Variants in OTUD7A observed in about 807,000 individuals in gnomAD.
OTUD7A encodes OTU domain-containing protein 7A.
Under a neutral mutation model 65.7 loss-of-function variants are expected in OTUD7A, and 12 were observed. The ratio of observed to expected loss-of-function variants is 0.18; its 90% confidence interval spans 0.12 to 0.30. The LOEUF is 0.30. Among genes scored for constraint, OTUD7A ranks in the 10% least tolerant of loss-of-function variants. The probability of loss-of-function intolerance (pLI) is 1.00; values close to 1 mark genes in which losing one functional copy is unlikely to be tolerated. For synonymous variants in OTUD7A, 641 were observed against 586.3 expected (o/e 1.09, Z -1.35); for missense variants, 1,148 against 1,304.8 (o/e 0.88, Z 1.85).
At chr15:31,714,173 G>A (rs1893522603) in intron 1 of OTUD7A, among the ~76,000 whole-genome samples, 1 of 150,044 alleles carries the variant, frequency 6.7e-6, no homozygotes, top group Admixed American at 6.7e-5. Flanking sequence ...AAAAATACAG[G>A]AAGTATCGCC....
At chr15:31,600,790 A>G (rs919644589) in intron 3 of OTUD7A, among the ~76,000 whole-genome samples, 1 of 152,234 alleles carries the variant, frequency 6.6e-6, no homozygotes, top group African/African-American at 2.4e-5. Flanking sequence ...GGAAAGCAAA[A>G]AAAAGCAGGG....
At chr15:31,632,579 C>T (rs970396399) in intron 3 of OTUD7A, among the ~76,000 whole-genome samples, 1 of 151,580 alleles carries the variant, frequency 6.6e-6, no homozygotes, top group Non-Finnish European at 1.5e-5. Context: ...CAAGGACCCA[C>T]TTGAGGAGGC....
At chr15:31,576,585 A>G (rs1889210241) in intron 3 of OTUD7A, among the ~76,000 whole-genome samples, 1 of 152,290 alleles carries the variant, frequency 6.6e-6, no homozygotes, top group South Asian at 2.1e-4. Context: ...ATGTCTCCCT[A>G]AAGTGTATAA....
At chr15:31,602,921 C>T (rs1023384174) in intron 3 of OTUD7A, among the ~76,000 whole-genome samples, 1 of 152,042 alleles carries the variant, frequency 6.6e-6, no homozygotes, top group African/African-American at 2.4e-5. Flanking sequence ...AAGTACAAAC[C>T]ACTGCTCAAG....
intron 8 of OTUD7A, among the ~76,000 whole-genome samples, chr15:31,517,568 C>T (rs1200030525): frequency 6.6e-6 from 1 of 152,212 alleles, no homozygotes; most frequent in African/African-American, 2.4e-5. Flanking sequence ...ATGACTTCAT[C>T]CTCCAAGATG....
At chr15:31,759,802 C>T (rs1257139819) in intron 1 of OTUD7A, among the ~76,000 whole-genome samples, 1 of 152,132 alleles carries the variant, frequency 6.6e-6, no homozygotes, top group Non-Finnish European at 1.5e-5. Context: ...TGCTGGATTA[C>T]AGGCATGAGC....
chr15:31,786,106 C>T (rs929911683), intron 1 of OTUD7A, among the ~76,000 whole-genome samples: 2 of 152,050 alleles, frequency 1.3e-5, no homozygotes, highest in Admixed American at 6.5e-5. Flanking sequence ...CATATGATGC[C>T]GTGCGCCACC....
intron 10 of OTUD7A, among the ~76,000 whole-genome samples, chr15:31,500,425 G>A (rs562688560): frequency 6.6e-6 from 1 of 152,222 alleles, no homozygotes; most frequent in Non-Finnish European, 1.5e-5. Context: ...GCTGCACCAC[G>A]CATGTCAGCT....
intron 1 of OTUD7A, among the ~76,000 whole-genome samples, chr15:31,753,996 T>C (rs1779721343): frequency 6.6e-6 from 1 of 152,000 alleles, no homozygotes; most frequent in South Asian, 2.1e-4. Flanking sequence ...TGTAGAAGTG[T>C]TCCCTGTTCA....
At chr15:31,821,532 G>C (rs761746585) in intron 1 of OTUD7A, among the ~76,000 whole-genome samples, 1 of 151,968 alleles carries the variant, frequency 6.6e-6, no homozygotes, top group African/African-American at 2.4e-5. Flanking sequence ...TTCATCAGTT[G>C]ATGGGCCTTG....
intron 1 of OTUD7A, among the ~76,000 whole-genome samples, chr15:31,821,133 CTTTTTTT>C (rs35732957): frequency 1.0e-5 from 1 of 97,466 alleles, no homozygotes; most frequent in African/African-American, 4.2e-5. Flanking sequence ...TTTTTCATTT[CTTTTTTT>C]TTTTTTTTTT....
intron 1 of OTUD7A, among the ~76,000 whole-genome samples, chr15:31,687,490 G>T (rs1371602201): frequency 6.6e-6 from 1 of 152,164 alleles, no homozygotes; most frequent in African/African-American, 2.4e-5. Context: ...TGCTTAGCAA[G>T]GCCAGCCACA....
chr15:31,610,502 A>G (rs34508606), intron 3 of OTUD7A, among the ~76,000 whole-genome samples: 42,532 of 149,898 alleles, frequency 0.28, 7,136 homozygotes, highest in African/African-American at 0.47. Flanking sequence ...TGTAGAATAC[A>G]CATTCTATTC....
chr15:31,597,000 C>T (rs759091998), intron 3 of OTUD7A, among the ~76,000 whole-genome samples: 3 of 152,194 alleles, frequency 2.0e-5, no homozygotes, highest in Non-Finnish European at 4.4e-5. Flanking sequence ...TCTTAGCTCA[C>T]TGAAACCTCT....
At chr15:31,714,171 A>G (rs2654046) in intron 1 of OTUD7A, among the ~76,000 whole-genome samples, 11,351 of 150,144 alleles carry the variant, frequency 0.076, 1,010 homozygotes, top group African/African-American at 0.22. Flanking sequence ...CAAAAAATAC[A>G]GGAAGTATCG....
At chr15:31,753,706 A>ATATATATATATTATATATATATATAT (rs1894717305) in intron 1 of OTUD7A, among the ~76,000 whole-genome samples, 1 of 70,760 alleles carries the variant, frequency 1.4e-5, no homozygotes, top group Admixed American at 1.6e-4. Flanking sequence ...TATATATTAT[A>ATATATATATATTATATATATATATAT]TATATATATA....
At chr15:31,737,205 A>G (rs1189476281) in intron 1 of OTUD7A, among the ~76,000 whole-genome samples, 2 of 152,234 alleles carry the variant, frequency 1.3e-5, no homozygotes, top group Admixed American at 6.5e-5. Flanking sequence ...AAAATAAACA[A>G]TATAAAAAGA....
At chr15:31,615,434 T>C (rs1890557745) in intron 3 of OTUD7A, among the ~76,000 whole-genome samples, 1 of 152,164 alleles carries the variant, frequency 6.6e-6, no homozygotes, top group Non-Finnish European at 1.5e-5. Context: ...AAGTCTATTC[T>C]TAACTTCAAA....
At chr15:31,491,141 A>C (rs1024139565) in intron 10 of OTUD7A, among the ~76,000 whole-genome samples, 3 of 152,054 alleles carry the variant, frequency 2.0e-5, no homozygotes, top group African/African-American at 7.3e-5. Context: ...AAAAAAAAAA[A>C]CCCAACACAT....
Sources: allele counts gnomAD v4.1 joint callset (sites outside exome capture counted in the v4.1 genomes callset), GRCh38; gene constraint gnomAD v4.1.1; transcripts MANE v1.5; gene names NCBI Gene and HGNC (gene_info 2026-07-23, HGNC 2026-07-21).